The following POU2F1 variants were observed in gnomAD, a reference collection of about 807,000 sequenced individuals.
POU2F1 encodes POU class 2 homeobox 1, also known as POU domain, class 2, transcription factor 1.
POU2F1 carries 16 observed loss-of-function variants against 84.9 expected under a neutral mutation model. That is an observed-to-expected ratio of 0.19 (90% CI 0.13 to 0.29). The LOEUF is 0.29. Among genes scored for constraint, POU2F1 ranks in the 10% least tolerant of loss-of-function variants. POU2F1 has a pLI of 1.00. For missense variants in POU2F1, 738 were observed against 942.6 expected, an observed-to-expected ratio of 0.78 and a Z score of 2.84; for synonymous variants, 368 against 368.3, an observed-to-expected ratio of 1.00 and a Z score of 0.01.
chr1:167,233,959 A>T (rs371429693), intron 1 of POU2F1, among the ~76,000 whole-genome samples: 257 of 152,254 alleles, frequency 1.7e-3, no homozygotes, highest in African/African-American at 6.0e-3. Flanking sequence ...AATTACAGTG[A>T]CCCCCATGGG....
At chr1:167,339,077 A>G (rs1254427487) in intron 2 of POU2F1, among the ~76,000 whole-genome samples, 1 of 152,140 alleles carries the variant, frequency 6.6e-6, no homozygotes, top group African/African-American at 2.4e-5. Flanking sequence ...TCCAGCTTCT[A>G]GAGACCACCT....
intron 1 of POU2F1, chr1:167,329,295 A>C (rs1263624723): frequency 6.5e-7 from 1 of 1,548,834 alleles, no homozygotes; most frequent in South Asian, 1.2e-5. Flanking sequence ...GACTGCAGTG[A>C]CTATGTTCTA....
intron 1 of POU2F1, among the ~76,000 whole-genome samples, chr1:167,290,557 T>C (rs1653853739): frequency 2.0e-5 from 3 of 152,242 alleles, no homozygotes; most frequent in Admixed American, 1.3e-4. Flanking sequence ...AGCTGAAGCG[T>C]CTCAAGGTCA....
chr1:167,382,523 G>A lies in POU2F1; in HGVS notation c.719-1334G>A, dbSNP rs1571410519. ...AGATACCTAGGGCTGCATAGATTTT[G>A]TTCTAATTCTAATATAAGGCCATGA... On this transcript the variant is annotated intron_variant, in intron 7 of 15. Transcript: ENST00000367866. Among the ~76,000 whole-genome samples the A allele has an allele frequency of 3.3e-5, 5 of 152,264 alleles. No individual in the cohort carries two copies. In the East Asian group the frequency reaches 7.7e-4, roughly 23 times the overall value.
intron 1 of POU2F1, among the ~76,000 whole-genome samples, chr1:167,255,885 G>A (rs1651093891): frequency 6.6e-6 from 1 of 152,214 alleles, no homozygotes; most frequent in African/African-American, 2.4e-5. Context: ...ATGCAGATGG[G>A]AGGAGGAAAT....
At chr1:167,256,262 G>A (rs1241619821) in intron 1 of POU2F1, among the ~76,000 whole-genome samples, 2 of 152,160 alleles carry the variant, frequency 1.3e-5, no homozygotes, top group African/African-American at 4.8e-5. Flanking sequence ...GAAGAGAAGA[G>A]AGAGGGAAAA....
intron 13 of POU2F1, among the ~76,000 whole-genome samples, chr1:167,408,023 C>G (rs529267687): frequency 2.6e-5 from 4 of 152,164 alleles, no homozygotes; most frequent in Non-Finnish European, 5.9e-5. Flanking sequence ...ACAACTCTTA[C>G]AACTCAATAG....
At chr1:167,287,222 A>T (rs1206333455) in intron 1 of POU2F1, among the ~76,000 whole-genome samples, 1 of 152,198 alleles carries the variant, frequency 6.6e-6, no homozygotes, top group Non-Finnish European at 1.5e-5. Flanking sequence ...TGAAAATTTA[A>T]ACCATAACTC....
At chr1:167,285,187 G>A (rs1653431171) in intron 1 of POU2F1, among the ~76,000 whole-genome samples, 1 of 152,172 alleles carries the variant, frequency 6.6e-6, no homozygotes, top group Non-Finnish European at 1.5e-5. Flanking sequence ...CTGCTTTATA[G>A]AGTTTTGTTA....
intron 13 of POU2F1, among the ~76,000 whole-genome samples, chr1:167,408,062 A>G (rs1259657814): frequency 6.6e-6 from 1 of 152,228 alleles, no homozygotes; most frequent in Non-Finnish European, 1.5e-5. Context: ...AGATTTTTAA[A>G]TGGACAAATG....
chr1:167,325,467 T>C (rs1018419474), intron 1 of POU2F1, among the ~76,000 whole-genome samples: 18 of 152,190 alleles, frequency 1.2e-4, no homozygotes, highest in African/African-American at 3.9e-4. Context: ...TATAGGCCGA[T>C]CTCAGTTCAC....
chr1:167,413,663 TATA>T (rs1490691888), intron 15 of POU2F1, among the ~76,000 whole-genome samples: 2 of 152,176 alleles, frequency 1.3e-5, no homozygotes, highest in African/African-American at 4.8e-5. Context: ...TCTCTTGGAT[TATA>T]ATGTCTCTTT....
At chr1:167,378,338 C>T (rs1033777758) in intron 7 of POU2F1, among the ~76,000 whole-genome samples, 1 of 151,942 alleles carries the variant, frequency 6.6e-6, no homozygotes, top group East Asian at 1.9e-4. Flanking sequence ...CAGGTTCAAG[C>T]AATTCTCCTG....
At chr1:167,386,859 G>C (rs998923243) in intron 8 of POU2F1, among the ~76,000 whole-genome samples, 27 of 152,190 alleles carry the variant, frequency 1.8e-4, no homozygotes, top group African/African-American at 6.3e-4. Context: ...GGTTGCCAGG[G>C]ACGGGGGGCT....
rs181520897 is a variant in POU2F1 at position 167,369,797 on chromosome 1, T to A, written c.229-364T>A. Among the ~76,000 whole-genome samples the A allele has an allele frequency of 1.5e-3, 226 of 151,378 alleles. 3 individuals are homozygous for A. Among genetic ancestry groups the A allele is most frequent in the South Asian group, 4.8e-3 (23 of 4,828 alleles). On this transcript the variant is annotated intron_variant, in intron 3 of 15. Transcript: ENST00000367866. ...ATAAAGAATGTATATAGATAGCTTA[T>A]ATGTTCTTTAACACAATGTGGAAGG... is the stretch of plus-strand genomic sequence containing the variant.
intron 1 of POU2F1, among the ~76,000 whole-genome samples, chr1:167,223,502 A>G (rs1165954900): frequency 4.6e-5 from 7 of 152,108 alleles, no homozygotes; most frequent in African/African-American, 7.2e-5. Flanking sequence ...TGCGTAGTCG[A>G]GGGAAGTATT....
chr1:167,264,663 T>G (rs1651813626), intron 1 of POU2F1, among the ~76,000 whole-genome samples: 1 of 152,238 alleles, frequency 6.6e-6, no homozygotes, highest in Non-Finnish European at 1.5e-5. Flanking sequence ...AAATCTCATT[T>G]GAATTAGCTA....
At chr1:167,396,651 G>A in intron 10 of POU2F1, 1 of 481,448 alleles carries the variant, frequency 2.1e-6, no homozygotes, top group Middle Eastern at 5.6e-4. Context: ...GTAATTTTTA[G>A]CCTGAAATAC....
intron 2 of POU2F1, among the ~76,000 whole-genome samples, chr1:167,337,797 G>GA (rs1312506201): frequency 2.6e-5 from 4 of 152,060 alleles, no homozygotes; most frequent in Non-Finnish European, 4.4e-5. Flanking sequence ...TTCTGAGAGG[G>GA]AAAAAATGCC....
Sources: allele counts gnomAD v4.1 joint callset (sites outside exome capture counted in the v4.1 genomes callset), GRCh38; gene constraint gnomAD v4.1.1; transcripts MANE v1.5; gene names NCBI Gene and HGNC (gene_info 2026-07-23, HGNC 2026-07-21).